MED27: variants seen among roughly 807,000 people sequenced by gnomAD.
The protein encoded by MED27 is mediator complex subunit 27.
Under a neutral mutation model 38.2 loss-of-function variants are expected in MED27, and 30 were observed. The observed-to-expected ratio is 0.79, with a 90% CI of 0.59 to 1.07. The LOEUF is 1.07. Among genes scored for constraint, MED27 ranks in the 50% least tolerant of loss-of-function variants. The pLI, the probability that MED27 is intolerant of heterozygous loss-of-function variation, is 0.00. For synonymous variants in MED27, 122 were observed against 153.5 expected, an observed-to-expected ratio of 0.79 and a Z score of 1.52; for missense variants, 289 against 397.5, an observed-to-expected ratio of 0.73 and a Z score of 2.32.
At chr9:132,048,333 G>A (rs956998140) in intron 2 of MED27, among the ~76,000 whole-genome samples, 7 of 152,210 alleles carry the variant, frequency 4.6e-5, no homozygotes, top group Admixed American at 3.3e-4. Context: ...CAGTCCTCCA[G>A]TCAACCACTA....
chr9:131,973,792 C>T (rs1831540598), intron 3 of MED27, among the ~76,000 whole-genome samples: 1 of 152,092 alleles, frequency 6.6e-6, no homozygotes, highest in Admixed American at 6.5e-5. Flanking sequence ...ACTGTAAGCT[C>T]CACCTCCCGG....
At chr9:131,907,348 C>T (rs1393347274) in intron 4 of MED27, among the ~76,000 whole-genome samples, 2 of 152,146 alleles carry the variant, frequency 1.3e-5, no homozygotes, top group Admixed American at 6.5e-5. Flanking sequence ...CCTGCGAGTG[C>T]CTGCGACTGC....
intron 6 of MED27, among the ~76,000 whole-genome samples, chr9:131,871,129 C>A (rs1490126528): frequency 6.6e-6 from 1 of 152,184 alleles, no homozygotes; most frequent in Non-Finnish European, 1.5e-5. Flanking sequence ...CTACTGTGAG[C>A]CCTGGATCCA....
At chr9:131,928,965 CCTT>C (rs946875501) in intron 4 of MED27, among the ~76,000 whole-genome samples, 14 of 152,246 alleles carry the variant, frequency 9.2e-5, no homozygotes, top group Admixed American at 8.5e-4. Flanking sequence ...AGTGACCCTT[CCTT>C]CTTCTTGAGG....
chr9:131,979,058 A>C (rs1323654402), intron 3 of MED27, among the ~76,000 whole-genome samples: 2 of 152,196 alleles, frequency 1.3e-5, no homozygotes, highest in African/African-American at 4.8e-5. Context: ...ACCTGGTGAC[A>C]ATTTGGTGCA....
At chr9:132,010,280 A>G (rs1423618001) in intron 3 of MED27, among the ~76,000 whole-genome samples, 1 of 152,250 alleles carries the variant, frequency 6.6e-6, no homozygotes, top group Non-Finnish European at 1.5e-5. Flanking sequence ...CACATGAAAA[A>G]ATGCTCATCA....
Position 131,971,884 on chromosome 9 carries a change from G to A in MED27, c.480-32410C>T, listed in dbSNP as rs376846417. 1.2e-4 allele frequency among the ~76,000 whole-genome samples: 18 copies of A among 152,318 alleles called. No individual in the cohort carries two copies. The East Asian group carries it at 2.9e-3, about 24-fold the overall frequency. ...AAAGGGAATTTCAAAAGCACTATCA[G>A]ATTTAAACCATTTCAGAAGTCTGAC... On this transcript the variant is annotated intron_variant, in intron 3 of 7. Transcript: ENST00000292035.
At chr9:132,066,507 C>T (rs1833812647) in intron 2 of MED27, among the ~76,000 whole-genome samples, 1 of 152,144 alleles carries the variant, frequency 6.6e-6, no homozygotes, top group South Asian at 2.1e-4. Context: ...GCAAACCGTC[C>T]CCAGTGTGAT....
At chr9:132,053,150 G>A (rs1162477942) in intron 2 of MED27, among the ~76,000 whole-genome samples, 1 of 152,162 alleles carries the variant, frequency 6.6e-6, no homozygotes, top group Non-Finnish European at 1.5e-5. Flanking sequence ...CTACTCGGGA[G>A]GCTGAGGCAG....
chr9:131,973,998 C>A (rs1247848541), intron 3 of MED27, among the ~76,000 whole-genome samples: 1 of 152,140 alleles, frequency 6.6e-6, no homozygotes, highest in Non-Finnish European at 1.5e-5. Context: ...CAGGCGTGAG[C>A]CACCGTGCCC....
At chr9:131,988,570 TACTTTA>T (rs1831905515) in intron 3 of MED27, among the ~76,000 whole-genome samples, 1 of 152,244 alleles carries the variant, frequency 6.6e-6, no homozygotes, top group East Asian at 1.9e-4. Context: ...TTCTCTGGCT[TACTTTA>T]TTGTAAGAAC....
chr9:131,908,748 G>A (rs548684511), intron 4 of MED27, among the ~76,000 whole-genome samples: 6 of 152,168 alleles, frequency 3.9e-5, no homozygotes, highest in Admixed American at 6.5e-5. Context: ...GCGGAAGGCC[G>A]CAGGGTCCTC....
At chr9:131,979,765 T>C (rs1318748850) in intron 3 of MED27, among the ~76,000 whole-genome samples, 1 of 152,170 alleles carries the variant, frequency 6.6e-6, no homozygotes, top group African/African-American at 2.4e-5. Flanking sequence ...AAAATATTCC[T>C]TACCTTGGAT....
intron 3 of MED27, among the ~76,000 whole-genome samples, chr9:132,007,361 T>C (rs964758343): frequency 2.6e-5 from 4 of 152,186 alleles, no homozygotes; most frequent in African/African-American, 9.7e-5. Context: ...GAAAAAATAC[T>C]ATTCAGCAAT....
chr9:131,989,528 T>C (rs1831926611), intron 3 of MED27, among the ~76,000 whole-genome samples: 1 of 152,202 alleles, frequency 6.6e-6, no homozygotes, highest in East Asian at 1.9e-4. Context: ...CTAACCATTT[T>C]TAAAAATTGT....
intron 4 of MED27, among the ~76,000 whole-genome samples, chr9:131,933,137 A>G (rs1830619945): frequency 6.6e-6 from 1 of 152,210 alleles, no homozygotes; most frequent in African/African-American, 2.4e-5. Flanking sequence ...AAAGCCATAT[A>G]TGACAGATTT....
chr9:131,966,486 T>G (rs1831354126), intron 3 of MED27, among the ~76,000 whole-genome samples: 1 of 151,688 alleles, frequency 6.6e-6, no homozygotes, highest in Admixed American at 6.6e-5. Context: ...AAGAGGAAGC[T>G]TTATTTGTGC....
chr9:131,869,363 C>T (rs1050884160), intron 6 of MED27: 2 of 983,214 alleles, frequency 2.0e-6, no homozygotes, highest in Non-Finnish European at 2.4e-6. Flanking sequence ...TGCTCAGCAT[C>T]CAAGACTTGG....
chr9:131,884,186 CTTAAA>C, intron 5 of MED27, 87 bp from the exon 6 acceptor site: 1 of 1,016,088 alleles, frequency 9.8e-7, no homozygotes, highest in South Asian at 2.1e-5. Flanking sequence ...GTTAACCCTT[CTTAAA>C]CTTGAAAAAA....
Sources: allele counts gnomAD v4.1 joint callset (sites outside exome capture counted in the v4.1 genomes callset), GRCh38; gene constraint gnomAD v4.1.1; transcripts MANE v1.5; gene names NCBI Gene and HGNC (gene_info 2026-07-23, HGNC 2026-07-21).